DPP10: variants seen among roughly 807,000 people sequenced by gnomAD.
The protein encoded by DPP10 is dipeptidyl peptidase like 10, also known as inactive dipeptidyl peptidase 10.
A neutral mutation model predicts 120.9 loss-of-function variants in DPP10; 33 were observed. The observed-to-expected ratio is 0.27, with a 90% CI of 0.21 to 0.37. The LOEUF (loss-of-function observed/expected upper bound fraction) is 0.37, where lower values mean the gene tolerates loss of function less well. Among genes scored for constraint, DPP10 ranks in the 10% least tolerant of loss-of-function variants. The pLI is 1.00. For synonymous variants in DPP10, 337 were observed against 326.1 expected, an observed-to-expected ratio of 1.03 and a Z score of -0.36; for missense variants, 816 against 942.8, an observed-to-expected ratio of 0.87 and a Z score of 1.76.
At chr2:115,768,483 C>T (rs1681070418) in intron 13 of DPP10, 79 bp downstream of exon 13, 1 of 1,291,396 alleles carries the variant, frequency 7.7e-7, no homozygotes, top group African/African-American at 1.5e-5. Flanking sequence ...GCATTCTAAA[C>T]CTCTAGTTCA....
At chr2:115,428,695 C>A (rs1257241367) in intron 3 of DPP10, among the ~76,000 whole-genome samples, 1 of 152,158 alleles carries the variant, frequency 6.6e-6, no homozygotes, top group Non-Finnish European at 1.5e-5. Flanking sequence ...TGCTCGTTTC[C>A]CAGTGCCGTA....
chr2:115,491,355 C>T (rs1036937946), intron 3 of DPP10, among the ~76,000 whole-genome samples: 3 of 152,092 alleles, frequency 2.0e-5, no homozygotes, highest in Admixed American at 1.3e-4. Flanking sequence ...GAAAGAAACA[C>T]GAAACACGGC....
intron 7 of DPP10, among the ~76,000 whole-genome samples, chr2:115,698,873 T>C (rs1333248404): frequency 6.6e-6 from 1 of 151,838 alleles, no homozygotes; most frequent in Non-Finnish European, 1.5e-5. Flanking sequence ...ATTTTACAAC[T>C]GAAGGTACTC....
chr2:115,314,310 A>G (rs1037498962), intron 2 of DPP10, among the ~76,000 whole-genome samples: 16 of 152,218 alleles, frequency 1.1e-4, no homozygotes, highest in African/African-American at 3.1e-4. Flanking sequence ...TAATCGGTCA[A>G]TGCCGAGACA....
At chr2:114,785,536 A>G (rs1456081280) in intron 1 of DPP10, among the ~76,000 whole-genome samples, 1 of 152,212 alleles carries the variant, frequency 6.6e-6, no homozygotes, top group Non-Finnish European at 1.5e-5. Flanking sequence ...GAAGTGCAAA[A>G]AGACACAAAC....
intron 1 of DPP10, among the ~76,000 whole-genome samples, chr2:115,216,222 G>A (rs1029174647): frequency 2.6e-4 from 40 of 152,202 alleles, no homozygotes; most frequent in African/African-American, 9.1e-4. Flanking sequence ...TTCAGGTGAT[G>A]GTTACACTAA....
At chr2:114,727,244 C>A (rs938475672) in intron 1 of DPP10, among the ~76,000 whole-genome samples, 12 of 152,042 alleles carry the variant, frequency 7.9e-5, no homozygotes, top group Non-Finnish European at 1.3e-4. Flanking sequence ...TGGAAGTGAG[C>A]CTGTGAGGGC....
intron 8 of DPP10, among the ~76,000 whole-genome samples, chr2:115,736,463 A>G (rs1383331626): frequency 1.3e-5 from 2 of 152,160 alleles, no homozygotes; most frequent in South Asian, 2.1e-4. Flanking sequence ...TTTTGCCACA[A>G]AATATTTCCT....
In DPP10 at chr2:115,201,996, G is replaced by C. The variant is rs536289662; in HGVS notation, c.61-107243G>C. Among the ~76,000 whole-genome samples, 14 of 152,162 alleles carry C rather than the reference G, an allele frequency of 9.2e-5. 1 individual carries two copies. The South Asian group carries it at 2.3e-3, about 25-fold the overall frequency. On this transcript the variant is annotated intron_variant, in intron 1 of 25. Transcript: ENST00000410059. ...AGGATGAGGGTACTGCATGATTCAG[G>C]GTTCTCAATTTTGTGTTAAATTAAT...
At chr2:114,918,026 A>G (rs1694931404) in intron 1 of DPP10, among the ~76,000 whole-genome samples, 1 of 152,160 alleles carries the variant, frequency 6.6e-6, no homozygotes, top group Non-Finnish European at 1.5e-5. Context: ...AATCTACAGA[A>G]TGGGAGAAAA....
At chr2:114,850,465 T>G (rs1688867823) in intron 1 of DPP10, among the ~76,000 whole-genome samples, 1 of 152,242 alleles carries the variant, frequency 6.6e-6, no homozygotes, top group Non-Finnish European at 1.5e-5. Context: ...CCAGTTATTT[T>G]TTTAATGTGC....
At chr2:115,468,286 C>G in intron 3 of DPP10, 1 of 512,426 alleles carries the variant, frequency 2.0e-6, no homozygotes, top group South Asian at 1.4e-5. Flanking sequence ...GTCATGTCCT[C>G]CAGGAATACT....
intron 2 of DPP10, among the ~76,000 whole-genome samples, chr2:115,339,383 T>TA (rs1308578035): frequency 1.3e-5 from 2 of 152,074 alleles, no homozygotes; most frequent in Non-Finnish European, 2.9e-5. Context: ...AAAACTACTG[T>TA]AAAAAAGCAT....
chr2:114,633,360 T>A (rs1335604832), intron 1 of DPP10, among the ~76,000 whole-genome samples: 1 of 145,910 alleles, frequency 6.9e-6, no homozygotes, highest in East Asian at 2.1e-4. Context: ...CAAGTGATTC[T>A]CCTGCCTTAG....
rs1682324342 is a variant in DPP10, at chr2:115,778,026, G to A, written c.1361+192G>A. ...GACTGGAGAAAATGGAGCCCTGCTT[G>A]CTCCTTCCTGCTCTGCAGCCTCCTT... On this transcript the variant is annotated intron_variant, in intron 15 of 25. Transcript: ENST00000410059. 2.0e-5 allele frequency among the ~76,000 whole-genome samples: 3 copies of A among 152,064 alleles called. No individual in the cohort carries two copies. In the South Asian group the frequency reaches 6.2e-4, roughly 31 times the overall value.
chr2:114,670,569 T>C (rs966346494), intron 1 of DPP10, among the ~76,000 whole-genome samples: 3 of 152,090 alleles, frequency 2.0e-5, no homozygotes, highest in East Asian at 1.9e-4. Context: ...TTAGGAGATA[T>C]ACCTAATGCT....
chr2:114,847,109 A>G (rs1054558707), intron 1 of DPP10, among the ~76,000 whole-genome samples: 3 of 151,994 alleles, frequency 2.0e-5, no homozygotes, highest in Non-Finnish European at 4.4e-5. Flanking sequence ...CCTGGGCTCA[A>G]GGGATCCTCC....
chr2:114,820,917 A>T (rs1030118892), intron 1 of DPP10, among the ~76,000 whole-genome samples: 1 of 152,298 alleles, frequency 6.6e-6, no homozygotes, highest in East Asian at 1.9e-4. Flanking sequence ...GTGGAGGAAC[A>T]CCCGGTTCTT....
chr2:114,904,825 A>AT (rs1188194190), intron 1 of DPP10, among the ~76,000 whole-genome samples: 2 of 152,004 alleles, frequency 1.3e-5, no homozygotes, highest in Admixed American at 6.6e-5. Context: ...TAATTTAGAG[A>AT]TTTTCAGGGC....
Sources: allele counts gnomAD v4.1 joint callset (sites outside exome capture counted in the v4.1 genomes callset), GRCh38; gene constraint gnomAD v4.1.1; transcripts MANE v1.5; gene names NCBI Gene and HGNC (gene_info 2026-07-23, HGNC 2026-07-21).